Variants in C5orf47 observed in about 807,000 individuals in gnomAD.
C5orf47 encodes chromosome 5 open reading frame 47.
C5orf47 carries 20 observed loss-of-function variants against 20.6 expected under a neutral mutation model. The ratio of observed to expected loss-of-function variants is 0.97; its 90% confidence interval spans 0.68 to 1.41. The LOEUF (loss-of-function observed/expected upper bound fraction) is 1.41. C5orf47 is among the 40% of genes most tolerant of loss of function. C5orf47 has a pLI of 0.00. For missense variants in C5orf47, 262 were observed against 238.4 expected (o/e 1.10, Z -0.65); for synonymous variants, 106 against 97.3 (o/e 1.09, Z -0.53).
chr5:174,008,659 C>T (rs540227239), downstream of C5orf47, among the ~76,000 whole-genome samples: 41 of 151,832 alleles, frequency 2.7e-4, no homozygotes, highest in Admixed American at 8.5e-4. Flanking sequence ...GGTGAAACCC[C>T]GTCTCTACTA....
chr5:173,990,741 T>C (rs930998575), intron 1 of C5orf47, among the ~76,000 whole-genome samples: 3 of 152,224 alleles, frequency 2.0e-5, no homozygotes. Flanking sequence ...CCAGGCCCTC[T>C]CTTGGTTTTT....
downstream of C5orf47, among the ~76,000 whole-genome samples, chr5:174,007,945 A>G (rs1217418535): frequency 2.0e-5 from 3 of 152,152 alleles, no homozygotes; most frequent in Non-Finnish European, 4.4e-5. Context: ...CATTACATTA[A>G]TAACTTTATG....
At chr5:173,997,840 C>G (rs1190220201) in intron 1 of C5orf47, among the ~76,000 whole-genome samples, 1 of 152,134 alleles carries the variant, frequency 6.6e-6, no homozygotes, top group Admixed American at 6.6e-5. Flanking sequence ...TAGAGATACA[C>G]TGGGGCAAGA....
At position 173,989,199 on chromosome 5, in the gene C5orf47, T is replaced by C; in HGVS notation, c.-65T>C. 1 of 1,324,098 alleles carries C rather than the reference T, an allele frequency of 7.6e-7. No homozygotes were observed. Among genetic ancestry groups the C allele is most frequent in the South Asian group, 2.0e-5 (1 of 50,264 alleles). The allele number at this position is 1,324,098 out of a possible 1,614,324, so 82.0% of individuals were successfully genotyped here. Reference sequence around the variant, plus strand: ...GCTCCCGCATCCCTCGCCTGCACAGTGGGCAGTCTGGCGCCTGTGGCGTCG... The same window carrying C: ...GCTCCCGCATCCCTCGCCTGCACAGCGGGCAGTCTGGCGCCTGTGGCGTCG... On this transcript the variant is annotated 5_prime_UTR_variant, in exon 1 of 5. Transcript: ENST00000340147.
At chr5:173,998,699 G>A (rs796975403) in intron 2 of C5orf47, among the ~76,000 whole-genome samples, 8 of 152,308 alleles carry the variant, frequency 5.3e-5, no homozygotes, top group African/African-American at 1.9e-4. Context: ...CTCGCTGCTA[G>A]TTGTCCAAAT....
intron 1 of C5orf47, among the ~76,000 whole-genome samples, chr5:173,997,548 C>G (rs189449709): frequency 6.6e-6 from 1 of 152,162 alleles, no homozygotes; most frequent in Non-Finnish European, 1.5e-5. Context: ...AGGTCAGAGC[C>G]TAGTGGAGGA....
At position 174,005,577 on chromosome 5, in the gene C5orf47, C is replaced by T. The variant is rs952584272; in HGVS notation, c.*1323C>T. 6.6e-6 allele frequency: 1 copy of T among 152,240 alleles called. No individual in the cohort carries two copies. Among genetic ancestry groups the T allele is most frequent in the Non-Finnish European group, 1.5e-5 (1 of 68,020 alleles). 9.4% of individuals were successfully genotyped at this position (152,240 alleles called of 1,614,324 possible). A position where few individuals can be genotyped will look rare whatever the true frequency, so the allele number is the denominator to read the frequency against. On this transcript the variant is annotated 3_prime_UTR_variant, in exon 5 of 5. Transcript: ENST00000340147. Reference sequence around the variant, plus strand: ...CCCTGCATTGAGGGTCACACAACTTCTTTATATTATGCTGGGTAAATTTCA... The same window carrying T: ...CCCTGCATTGAGGGTCACACAACTTTTTTATATTATGCTGGGTAAATTTCA...
chr5:173,993,454 A>G (rs1184321619), intron 1 of C5orf47, among the ~76,000 whole-genome samples: 2 of 152,204 alleles, frequency 1.3e-5, no homozygotes, highest in African/African-American at 4.8e-5. Context: ...CAGCCTGGCC[A>G]ACATGGTGAA....
intron 1 of C5orf47, among the ~76,000 whole-genome samples, chr5:173,995,852 AC>A (rs1759079318): frequency 6.6e-6 from 1 of 152,358 alleles, no homozygotes; most frequent in East Asian, 1.9e-4. Flanking sequence ...GTTATCAGAG[AC>A]AGGTGCACTT....
Position 174,004,842 on chromosome 5 carries a change from A to T in C5orf47, c.*588A>T, listed in dbSNP as rs1019901873. On this transcript the variant is annotated 3_prime_UTR_variant, in exon 5 of 5. Transcript: ENST00000340147. ...GTAAATGTATGCATTTATAATATGG[A>T]TATATTATAATGGACTATATTATAA... is the stretch of plus-strand genomic sequence containing the variant. 2.6e-5 allele frequency: 4 copies of T among 152,152 alleles called. No individual in the cohort carries two copies. The highest frequency in any genetic ancestry group is 9.7e-5 in the African/African-American group (4 of 41,440). 9.4% of individuals were successfully genotyped at this position (152,152 alleles called of 1,614,324 possible). A position where few individuals can be genotyped will look rare whatever the true frequency, so the allele number is the denominator to read the frequency against.
downstream of C5orf47, among the ~76,000 whole-genome samples, chr5:174,009,363 T>C (rs1759338545): frequency 6.6e-6 from 1 of 152,200 alleles, no homozygotes; most frequent in Admixed American, 6.5e-5. Context: ...ATTTACTATT[T>C]CCTTTCTTGT....
At chr5:173,992,152 C>T (rs760811709) in intron 1 of C5orf47, among the ~76,000 whole-genome samples, 1 of 150,804 alleles carries the variant, frequency 6.6e-6, no homozygotes, top group Admixed American at 6.6e-5. Flanking sequence ...TTATTTCCCT[C>T]TTGTCATTTC....
intron 1 of C5orf47, among the ~76,000 whole-genome samples, chr5:173,990,730 G>A (rs191132698): frequency 1.9e-3 from 286 of 152,266 alleles, no homozygotes; most frequent in African/African-American, 6.2e-3. Flanking sequence ...GAGCCACCGC[G>A]CCAGGCCCTC....
At position 173,998,134 on chromosome 5, in the gene C5orf47, C is replaced by T; in HGVS notation, c.326-19C>T. On this transcript the variant is annotated intron_variant, in intron 1 of 4. Coordinates refer to ENST00000340147, the MANE Select transcript of C5orf47 (RefSeq NM_001144954.2). ...ATCCTTATATATGTTGACCTTTTCA[C>T]TTTCTTCTTAAAAATTAGGTTTAAT... The T allele has an allele frequency of 1.4e-6, 2 of 1,423,184 alleles. No individual in the cohort carries two copies. The highest frequency in any genetic ancestry group is 2.1e-5 in the Admixed American group (1 of 46,662). The allele number at this position is 1,423,184 out of a possible 1,614,324, so 88.2% of individuals were successfully genotyped here. A position where few individuals can be genotyped will look rare whatever the true frequency, so the allele number is the denominator to read the frequency against.
rs1437240006 is a variant in C5orf47, at chr5:174,004,336, G to A, written c.*82G>A. On this transcript the variant is annotated 3_prime_UTR_variant, in exon 5 of 5. Coordinates refer to ENST00000340147, the MANE Select transcript of C5orf47 (RefSeq NM_001144954.2). ...AGAATCTAAAGATGAAACATTAAAT[G>A]AATCATAATTATTTGTTAATTTTGA... The A allele has an allele frequency of 6.6e-6, 1 of 152,140 alleles. No homozygotes were observed. The highest frequency in any genetic ancestry group is 1.5e-5 in the Non-Finnish European group (1 of 67,998). 9.4% of individuals were successfully genotyped at this position (152,140 alleles called of 1,614,324 possible).
chr5:173,989,184 C>G lies in C5orf47; in HGVS notation c.-80C>G. On this transcript the variant is annotated 5_prime_UTR_variant, in exon 1 of 5. The change creates a new upstream start codon in the 5' untranslated region. Coordinates refer to ENST00000340147, the MANE Select transcript of C5orf47 (RefSeq NM_001144954.2). ...GGTCTGGCCCTAACCGCTCCCGCAT[C>G]CCTCGCCTGCACAGTGGGCAGTCTG... 1 of 1,272,110 alleles carries G rather than the reference C, an allele frequency of 7.9e-7. No individual in the cohort carries two copies. The highest frequency in any genetic ancestry group is 1.0e-6 in the Non-Finnish European group (1 of 998,692). 78.8% of individuals were successfully genotyped at this position (1,272,110 alleles called of 1,614,324 possible). A position where few individuals can be genotyped will look rare whatever the true frequency, so the allele number is the denominator to read the frequency against.
chr5:173,991,507 GT>G (rs553188666), intron 1 of C5orf47, among the ~76,000 whole-genome samples: 2,740 of 137,698 alleles, frequency 0.02, 26 homozygotes, highest in Non-Finnish European at 0.024. Context: ...TTCAGTGTTT[GT>G]TTTTTTTTTT....
chr5:173,992,756 A>G (rs952041625), intron 1 of C5orf47, among the ~76,000 whole-genome samples: 6 of 152,068 alleles, frequency 3.9e-5, no homozygotes, highest in Admixed American at 1.3e-4. Context: ...GCGCATTTCT[A>G]ATTTTTATTT....
intron 1 of C5orf47, among the ~76,000 whole-genome samples, chr5:173,993,084 T>G (rs1023883102): frequency 2.0e-5 from 3 of 152,184 alleles, no homozygotes; most frequent in Admixed American, 6.5e-5. Flanking sequence ...AGATTTAGAA[T>G]GCATTTAATC....
Sources: gnomAD v4.1 joint callset for allele counts (sites outside exome capture counted in the v4.1 genomes callset) on GRCh38, gnomAD v4.1.1 for gene constraint, MANE v1.5 for transcripts, NCBI Gene and HGNC (gene_info 2026-07-23, HGNC 2026-07-21) for gene names.